KIF1B: variants seen among roughly 807,000 people sequenced by gnomAD.
The protein encoded by KIF1B is kinesin family member 1B.
Under a neutral mutation model 241.9 loss-of-function variants are expected in KIF1B, and 76 were observed. The observed-to-expected ratio is 0.31, with a 90% CI of 0.26 to 0.38. The LOEUF (loss-of-function observed/expected upper bound fraction) is 0.38. Ranked by LOEUF, KIF1B falls within the 10% of genes least tolerant of loss-of-function variation. The probability of loss-of-function intolerance (pLI) is 1.00; values close to 1 mark genes in which losing one functional copy is unlikely to be tolerated. For synonymous variants in KIF1B, 750 were observed against 796.7 expected (o/e 0.94, Z 0.99); for missense variants, 1,622 against 2,271.4 (o/e 0.71, Z 5.81).
At chr1:10,357,084 T>C (rs1313380514) in intron 38 of KIF1B, among the ~76,000 whole-genome samples, 1 of 152,152 alleles carries the variant, frequency 6.6e-6, no homozygotes, top group African/African-American at 2.4e-5. Flanking sequence ...CTCGCTATAT[T>C]GCCCACGCTG....
At chr1:10,302,626 A>G (rs1650598695) in intron 22 of KIF1B, among the ~76,000 whole-genome samples, 1 of 152,222 alleles carries the variant, frequency 6.6e-6, no homozygotes, top group African/African-American at 2.4e-5. Flanking sequence ...AACCTTTGTT[A>G]ATCCGCCTGC....
intron 18 of KIF1B, 63 bp downstream of exon 18, chr1:10,295,228 T>A: frequency 2.0e-6 from 2 of 990,888 alleles, no homozygotes; most frequent in Non-Finnish European, 3.3e-6. Context: ...ATTGAATAAC[T>A]AAAGGGAAGG....
rs1569850349 is a variant in KIF1B, at chr1:10,335,367, C to G, written c.3043+729C>G. ...TCCTGGGTTCAAGCGATTCTCATGC[C>G]TCAGCCTCCCTAGTAAATGGGATTA... is the stretch of plus-strand genomic sequence containing the variant. On this transcript the variant is annotated intron_variant, in intron 28 of 48. Transcript: ENST00000676179. Among the ~76,000 whole-genome samples the G allele has an allele frequency of 2.0e-5, 3 of 152,172 alleles. No homozygotes were observed. In the South Asian group the frequency reaches 6.2e-4, roughly 31 times the overall value.
chr1:10,330,082 T>C (rs1651866350), intron 27 of KIF1B, among the ~76,000 whole-genome samples: 1 of 152,240 alleles, frequency 6.6e-6, no homozygotes, highest in African/African-American at 2.4e-5. Flanking sequence ...CATTGAACTT[T>C]CTGCTAACGT....
intron 38 of KIF1B, among the ~76,000 whole-genome samples, chr1:10,355,738 C>T (rs1215836055): frequency 3.3e-5 from 5 of 152,044 alleles, no homozygotes; most frequent in Non-Finnish European, 5.9e-5. Flanking sequence ...GTCTTCTCTC[C>T]GTCAAAAGCA....
intron 10 of KIF1B, among the ~76,000 whole-genome samples, chr1:10,273,686 C>T (rs1648924562): frequency 8.0e-6 from 1 of 125,678 alleles, no homozygotes; most frequent in African/African-American, 3.1e-5. Flanking sequence ...TGTTTCTTGC[C>T]TACTCCCTTT....
Position 10,377,066 on chromosome 1 carries a change from T to G in KIF1B, c.*479T>G, listed in dbSNP as rs957413216. 2 of 251,734 alleles carry G rather than the reference T, an allele frequency of 7.9e-6. No homozygotes were observed. The highest frequency in any genetic ancestry group is 1.6e-5 in the Non-Finnish European group (2 of 126,970). The allele number at this position is 251,734 out of a possible 1,614,324, so 15.6% of individuals were successfully genotyped here. A position where few individuals can be genotyped will look rare whatever the true frequency, so the allele number is the denominator to read the frequency against. ...CTCTGTTTGTGATATCACTTTAATT[T>G]TTCTTGGGTGGCTTAGAGACTAAGG... On this transcript the variant is annotated 3_prime_UTR_variant, in exon 49 of 49. Transcript: ENST00000676179.
chr1:10,337,438 C>A lies in KIF1B; in HGVS notation c.3327C>A (p.Asn1109Lys), dbSNP rs199805720. ...AAGGGTTTTCTGAAGAGATTGGCAA[C>A]CACCTGAAACTGGGCAGTGCCTTCA... ...VMEGFSEEIG[N>K]HLKLGSAFTF... The change falls in exon 31 of 49, where the codon AAC (asparagine) becomes AAA (lysine). Residue 1109 changes from asparagine to lysine, a missense_variant. Around this residue, in one of 7 missense-constraint regions of KIF1B, gnomAD observed 803 missense variants for 1,112.0 expected, o/e 0.72. Transcript: ENST00000676179. The surrounding 1 kb of genome is among the most constrained non-coding windows in gnomAD (Gnocchi z 4.0). 77 of 1,614,058 alleles carry A rather than the reference C, an allele frequency of 4.8e-5. No individual in the cohort carries two copies. The highest frequency in any genetic ancestry group is 1.0e-5 in the Non-Finnish European group (12 of 1,180,030).
chr1:10,275,527 T>C, intron 11 of KIF1B, 24 bp downstream of exon 11: 1 of 1,262,170 alleles, frequency 7.9e-7, no homozygotes, highest in Non-Finnish European at 1.2e-6. Context: ...TAGTGAAAAG[T>C]AGTTATCTTT....
rs545520199 is a variant in KIF1B at position 10,306,005 on chromosome 1, A to G, written c.2115+8759A>G. The G allele has an allele frequency of 3.7e-4, 386 of 1,051,478 alleles. No individual in the cohort carries two copies. The African/African-American group carries it at 5.6e-3, about 15-fold the overall frequency. 65.1% of individuals were successfully genotyped at this position (1,051,478 alleles called of 1,614,324 possible). A position where few individuals can be genotyped will look rare whatever the true frequency, so the allele number is the denominator to read the frequency against. ...ACAGCCAAGATAGCAGTTAGCATTC[A>G]AGGAAGCCTTAAAGATTGTGATTAT... On this transcript the variant is annotated intron_variant, in intron 22 of 48. Transcript: ENST00000676179.
intron 35 of KIF1B, among the ~76,000 whole-genome samples, chr1:10,346,491 T>C (rs1652594956): frequency 6.6e-6 from 1 of 151,974 alleles, no homozygotes; most frequent in South Asian, 2.1e-4. Context: ...CAGCCTCCTG[T>C]GTAGCTGGGA....
chr1:10,225,627 AT>A (rs1362083756), intron 1 of KIF1B, among the ~76,000 whole-genome samples: 2 of 152,224 alleles, frequency 1.3e-5, no homozygotes, highest in Non-Finnish European at 2.9e-5. Flanking sequence ...GGAAGAATAA[AT>A]TGGAATTTAA....
intron 1 of KIF1B, 34 bp from the exon 2 acceptor site, chr1:10,232,216 G>A: frequency 1.4e-6 from 1 of 733,586 alleles, no homozygotes. Flanking sequence ...CTTTAATTCT[G>A]ACTACCTCAT....
chr1:10,372,411 C>T (rs1638755662), intron 45 of KIF1B, among the ~76,000 whole-genome samples: 1 of 151,864 alleles, frequency 6.6e-6, no homozygotes, highest in South Asian at 2.1e-4. Flanking sequence ...TGGCATGCGC[C>T]TGCGGTTCCA....
At position 10,321,877 on chromosome 1, in the gene KIF1B, A is replaced by C; in HGVS notation, c.2358+20A>C. ...AAGAAGGTATGGAGCAGGAGGACAC[A>C]GGAGAGCTGGAGGCAAAGCCGAGCC... On this transcript the variant is annotated intron_variant, in intron 24 of 48. Coordinates refer to ENST00000676179, the MANE Select transcript of KIF1B (RefSeq NM_001365951.3). 6.2e-7 allele frequency: 1 copy of C among 1,613,980 alleles called. No homozygotes were observed. The highest frequency in any genetic ancestry group is 8.5e-7 in the Non-Finnish European group (1 of 1,179,900).
At chr1:10,334,456 A>G (rs1351385291) in intron 27 of KIF1B, 64 bp from the exon 28 acceptor site, 1 of 1,223,908 alleles carries the variant, frequency 8.2e-7, no homozygotes. Flanking sequence ...TTCTCAGTGA[A>G]TCTGAAAGCC....
chr1:10,327,629 A>G (rs1364896998), intron 27 of KIF1B, among the ~76,000 whole-genome samples: 2 of 152,186 alleles, frequency 1.3e-5, no homozygotes, highest in Non-Finnish European at 2.9e-5. Flanking sequence ...AGTGATGCAG[A>G]ACTCTCTATG....
chr1:10,214,482 G>T (rs1646736173), intron 1 of KIF1B, among the ~76,000 whole-genome samples: 1 of 148,920 alleles, frequency 6.7e-6, no homozygotes, highest in Non-Finnish European at 1.5e-5. Context: ...TAGAGATGGG[G>T]TTTCACCATG....
intron 12 of KIF1B, 79 bp from the exon 13 acceptor site, chr1:10,277,907 T>C: frequency 1.6e-6 from 2 of 1,268,472 alleles, no homozygotes; most frequent in Non-Finnish European, 1.1e-6. Context: ...GGATATTTGA[T>C]TTAGAGATAA....
Sources: gnomAD v4.1 joint callset for allele counts (sites outside exome capture counted in the v4.1 genomes callset) on GRCh38, gnomAD v4.1.1 for gene constraint, gnomAD v4.1.1 regional missense constraint, Gnocchi (gnomAD v3.1) non-coding constraint, MANE v1.5 for transcripts, NCBI Gene and HGNC (gene_info 2026-07-23, HGNC 2026-07-21) for gene names.